The following PHLDB2 variants were observed in gnomAD, a reference collection of about 807,000 sequenced individuals.
PHLDB2 encodes pleckstrin homology like domain family B member 2.
In PHLDB2, 71 loss-of-function variants were observed where a neutral mutation model predicts 123.6. The ratio of observed to expected loss-of-function variants is 0.57; its 90% CI spans 0.47 to 0.70. The LOEUF (loss-of-function observed/expected upper bound fraction) is 0.70. Among genes scored for constraint, PHLDB2 ranks in the 30% least tolerant of loss-of-function variants. The pLI is 0.00. For synonymous variants in PHLDB2, 547 were observed against 541.6 expected, an observed-to-expected ratio of 1.01 and a Z score of -0.14; for missense variants, 1,446 against 1,519.5, an observed-to-expected ratio of 0.95 and a Z score of 0.80.
At chr3:111,798,090 T>G (rs943415072) in intron 1 of PHLDB2, among the ~76,000 whole-genome samples, 31 of 152,240 alleles carry the variant, frequency 2.0e-4, no homozygotes, top group African/African-American at 6.7e-4. Flanking sequence ...GCCAAAATCA[T>G]GCCACTGCAC....
At chr3:111,793,341 T>C (rs193126728) in intron 1 of PHLDB2, among the ~76,000 whole-genome samples, 2 of 152,204 alleles carry the variant, frequency 1.3e-5, no homozygotes, top group Non-Finnish European at 2.9e-5. Context: ...AAAATACTGC[T>C]TGGCTACTAC....
chr3:111,804,645 G>A (rs911589211), intron 1 of PHLDB2, among the ~76,000 whole-genome samples: 9 of 152,184 alleles, frequency 5.9e-5, no homozygotes, highest in Admixed American at 6.5e-5. Flanking sequence ...ACTCCATGTG[G>A]ATGTCCAGAT....
chr3:111,748,873 T>C (rs1169110899), intron 1 of PHLDB2, among the ~76,000 whole-genome samples: 1 of 152,102 alleles, frequency 6.6e-6, no homozygotes, highest in Non-Finnish European at 1.5e-5. Context: ...GGGATACTTA[T>C]GCTACATTAG....
chr3:111,777,302 A>G (rs903230978), intron 1 of PHLDB2, among the ~76,000 whole-genome samples: 1 of 152,182 alleles, frequency 6.6e-6, no homozygotes, highest in African/African-American at 2.4e-5. Flanking sequence ...GGAGTTAATT[A>G]TTAACATTGA....
chr3:111,847,562 C>G (rs2064051223), intron 2 of PHLDB2, among the ~76,000 whole-genome samples: 1 of 152,122 alleles, frequency 6.6e-6, no homozygotes, highest in South Asian at 2.1e-4. Context: ...TGCCCTATAC[C>G]CCATCCCCTC....
At chr3:111,751,296 C>A (rs2059771237) in intron 1 of PHLDB2, among the ~76,000 whole-genome samples, 1 of 152,014 alleles carries the variant, frequency 6.6e-6, no homozygotes, top group Non-Finnish European at 1.5e-5. Flanking sequence ...ATGCCTTTCA[C>A]ATAATGAACA....
chr3:111,733,912 T>C (rs949954897), intron 1 of PHLDB2, among the ~76,000 whole-genome samples: 2 of 152,204 alleles, frequency 1.3e-5, no homozygotes, highest in Non-Finnish European at 2.9e-5. Flanking sequence ...CCTATTTTTC[T>C]GAACTCCCTT....
At chr3:111,883,021 A>G (rs1559883768) in intron 1 of PHLDB2, among the ~76,000 whole-genome samples, 3 of 152,202 alleles carry the variant, frequency 2.0e-5, no homozygotes, top group Admixed American at 1.3e-4. Flanking sequence ...AGATGTCATA[A>G]TTAGTGTCTG....
chr3:111,960,251 C>A, intron 12 of PHLDB2: 1 of 403,378 alleles, frequency 2.5e-6, no homozygotes, highest in Non-Finnish European at 3.4e-6. Flanking sequence ...GTGACTATAC[C>A]AGCTTCATTT....
rs544107661 is a variant in PHLDB2, at chr3:111,905,808, T to TA, written c.1336-7505dup. 7.2e-5 allele frequency among the ~76,000 whole-genome samples: 11 copies of TA among 152,312 alleles called. No individual in the cohort carries two copies. The South Asian group carries it at 2.3e-3, about 32-fold the overall frequency. On this transcript the variant is annotated intron_variant, in intron 2 of 17. Transcript: ENST00000431670. The stretch of plus-strand genomic sequence containing the variant: ...TATGTTACAACAGCTATTATGTCAT[T>TA]AAAAAATAGGAATTTTTCAGCTCCA...
intron 1 of PHLDB2, among the ~76,000 whole-genome samples, chr3:111,815,211 CTT>C (rs2062020365): frequency 6.6e-6 from 1 of 152,118 alleles, no homozygotes; most frequent in Non-Finnish European, 1.5e-5. Context: ...TCAGGTATGT[CTT>C]TGTCAGCAGC....
intron 1 of PHLDB2, among the ~76,000 whole-genome samples, chr3:111,823,866 G>T (rs765554163): frequency 8.5e-5 from 13 of 152,314 alleles, no homozygotes; most frequent in Admixed American, 5.2e-4. Context: ...TGCAGTATGT[G>T]TGTATGTGTG....
At chr3:111,865,938 T>C (rs1032175272) in intron 1 of PHLDB2, among the ~76,000 whole-genome samples, 7 of 151,388 alleles carry the variant, frequency 4.6e-5, no homozygotes, top group African/African-American at 1.5e-4. Context: ...AATCAGCTGC[T>C]AAGTAATGAA....
At chr3:111,971,959 C>G (rs1211556109) in intron 16 of PHLDB2, among the ~76,000 whole-genome samples, 19 of 152,170 alleles carry the variant, frequency 1.2e-4, no homozygotes, top group Admixed American at 1.2e-3. Flanking sequence ...CTGAGAGAGA[C>G]AGAATGTGCA....
upstream of PHLDB2, among the ~76,000 whole-genome samples, chr3:111,855,208 A>G (rs1057418216): frequency 8.5e-5 from 13 of 152,224 alleles, no homozygotes; most frequent in Non-Finnish European, 1.6e-4. Flanking sequence ...TGAAGGACAC[A>G]GGAAAGTAAG....
At chr3:111,824,999 G>A (rs748226725) in intron 1 of PHLDB2, among the ~76,000 whole-genome samples, 1 of 152,010 alleles carries the variant, frequency 6.6e-6, no homozygotes, top group East Asian at 1.9e-4. Context: ...ATCTGCTCAC[G>A]TAAATAACTT....
intron 1 of PHLDB2, among the ~76,000 whole-genome samples, chr3:111,862,473 C>T (rs768093644): frequency 6.6e-6 from 1 of 152,140 alleles, no homozygotes; most frequent in Non-Finnish European, 1.5e-5. Context: ...TTGGTTGTAG[C>T]AACTGACAGG....
At chr3:111,748,756 A>G (rs2059722278) in intron 1 of PHLDB2, among the ~76,000 whole-genome samples, 1 of 152,058 alleles carries the variant, frequency 6.6e-6, no homozygotes, top group African/African-American at 2.4e-5. Flanking sequence ...TCCTGACCTC[A>G]GGTGATCCAC....
At chr3:111,809,057 G>A (rs1039134458) in intron 1 of PHLDB2, among the ~76,000 whole-genome samples, 3 of 152,186 alleles carry the variant, frequency 2.0e-5, no homozygotes, top group Non-Finnish European at 2.9e-5. Flanking sequence ...GGAACTGACT[G>A]CTGTCATCGA....
Sources: gnomAD v4.1 joint callset for allele counts (sites outside exome capture counted in the v4.1 genomes callset) on GRCh38, gnomAD v4.1.1 for gene constraint, MANE v1.5 for transcripts, NCBI Gene and HGNC (gene_info 2026-07-23, HGNC 2026-07-21) for gene names.